Variants in KCNJ6 observed in about 807,000 individuals in gnomAD.
KCNJ6 encodes potassium inwardly rectifying channel subfamily J member 6.
A neutral mutation model predicts 34.2 loss-of-function variants in KCNJ6; 9 were observed. That is an observed-to-expected ratio of 0.26 (90% CI 0.16 to 0.46). The LOEUF (loss-of-function observed/expected upper bound fraction) is 0.46. Ranked by LOEUF, KCNJ6 falls within the 20% of genes least tolerant of loss-of-function variation. The probability of loss-of-function intolerance (pLI) is 1.00; values close to 1 mark genes in which losing one functional copy is unlikely to be tolerated. For missense variants in KCNJ6, 236 were observed against 531.3 expected, an observed-to-expected ratio of 0.44 and a Z score of 5.46; for synonymous variants, 196 against 207.1, an observed-to-expected ratio of 0.95 and a Z score of 0.46.
intron 2 of KCNJ6, among the ~76,000 whole-genome samples, chr21:37,815,022 T>C (rs746872174): frequency 6.6e-6 from 1 of 151,284 alleles, no homozygotes; most frequent in African/African-American, 2.4e-5. Flanking sequence ...CACAGAAAGA[T>C]AAACATCGCA....
intron 1 of KCNJ6, among the ~76,000 whole-genome samples, chr21:37,909,965 C>T (rs540903883): frequency 9.9e-5 from 15 of 152,236 alleles, no homozygotes; most frequent in East Asian, 7.7e-4. Context: ...GTGAATTGTC[C>T]GGTCAATGGA....
intron 3 of KCNJ6, among the ~76,000 whole-genome samples, chr21:37,709,614 C>T (rs2054740641): frequency 6.6e-6 from 1 of 152,190 alleles, no homozygotes; most frequent in South Asian, 2.1e-4. Flanking sequence ...GTGCAAAGGG[C>T]ACTGAACACA....
At chr21:37,795,759 C>CAAAAAA (rs1555845108) in intron 2 of KCNJ6, among the ~76,000 whole-genome samples, 1 of 148,748 alleles carries the variant, frequency 6.7e-6, no homozygotes. Context: ...AAAAAAAAAC[C>CAAAAAA]CTGCCACATA....
At chr21:37,832,387 C>T (rs1025021931) in intron 2 of KCNJ6, among the ~76,000 whole-genome samples, 11 of 151,912 alleles carry the variant, frequency 7.2e-5, no homozygotes, top group Admixed American at 3.3e-4. Context: ...CTCTGCCCCG[C>T]GTGAGGTGAC....
At chr21:37,841,238 T>A (rs920322578) in intron 1 of KCNJ6, among the ~76,000 whole-genome samples, 2 of 152,222 alleles carry the variant, frequency 1.3e-5, no homozygotes, top group African/African-American at 4.8e-5. Context: ...TAAAAACATT[T>A]TGTTTTAACC....
Position 37,739,392 on chromosome 21 carries a change from C to T in KCNJ6, c.26-24261G>A, listed in dbSNP as rs576169771. On this transcript the variant is annotated intron_variant, in intron 2 of 3. Coordinates refer to ENST00000609713, the MANE Select transcript of KCNJ6 (RefSeq NM_002240.5). ...ATAAAATTGATGCAAAAGGCAGTCC[C>T]TTGGTTGGCTTAAGTCAGAAGAAAA... Among the ~76,000 whole-genome samples the T allele has an allele frequency of 5.9e-5, 9 of 152,240 alleles. No homozygotes were observed. In the South Asian group the frequency reaches 1.9e-3, roughly 32 times the overall value.
At chr21:37,719,322 A>C (rs66862405) in intron 2 of KCNJ6, 1 of 151,962 alleles carries the variant, frequency 6.6e-6, no homozygotes, top group African/African-American at 2.4e-5. Context: ...ATTTTGTGAC[A>C]TTTCTTTCTT....
intron 2 of KCNJ6, among the ~76,000 whole-genome samples, chr21:37,797,279 G>T (rs889100531): frequency 6.6e-6 from 1 of 152,014 alleles, no homozygotes; most frequent in Admixed American, 6.6e-5. Flanking sequence ...TCCAACTCCT[G>T]ACCTCAAGTG....
chr21:37,626,768 C>A (rs1264114588), intron 3 of KCNJ6, among the ~76,000 whole-genome samples: 1 of 152,110 alleles, frequency 6.6e-6, no homozygotes, highest in Non-Finnish European at 1.5e-5. Context: ...GCCCATGATA[C>A]TTTTAGAGGC....
chr21:37,813,893 A>G (rs1307905910), intron 2 of KCNJ6, among the ~76,000 whole-genome samples: 1 of 152,222 alleles, frequency 6.6e-6, no homozygotes, highest in East Asian at 1.9e-4. Context: ...CAAAACAAAA[A>G]TGGACAAATG....
In KCNJ6 at chr21:37,624,343, A is replaced by G. The variant is rs1229200595; in HGVS notation, c.*816T>C. On this transcript the variant is annotated 3_prime_UTR_variant, in exon 4 of 4. Transcript: ENST00000609713. ...CGTGTGGGAACAGTGAGGTACCCTA[A>G]CGTCTGCCAGTCTGAGACACAAACA... The G allele has an allele frequency of 6.6e-6, 1 of 152,158 alleles. No homozygotes were observed. The highest frequency in any genetic ancestry group is 1.5e-5 in the Non-Finnish European group (1 of 68,036). The allele number at this position is 152,158 out of a possible 1,614,324, so 9.4% of individuals were successfully genotyped here. A position where few individuals can be genotyped will look rare whatever the true frequency, so the allele number is the denominator to read the frequency against.
chr21:37,834,209 C>T lies in KCNJ6; in HGVS notation c.25+6449G>A, dbSNP rs1053314264. 3.3e-5 allele frequency among the ~76,000 whole-genome samples: 5 copies of T among 152,308 alleles called. No homozygotes were observed. The South Asian group carries it at 8.3e-4, about 25-fold the overall frequency. On this transcript the variant is annotated intron_variant, in intron 2 of 3. Coordinates refer to ENST00000609713, the MANE Select transcript of KCNJ6 (RefSeq NM_002240.5). ...TGAAACCTTCAGCACTGCCCCATTA[C>T]CCACAGGAAAAATTCAAGCCACATA... is the stretch of plus-strand genomic sequence containing the variant.
rs549400378 is a variant in KCNJ6 at position 37,619,343 on chromosome 21, C to T, written c.*5816G>A. The T allele has an allele frequency of 6.6e-6, 1 of 152,256 alleles. No individual in the cohort carries two copies. The highest frequency in any genetic ancestry group is 1.5e-5 in the Non-Finnish European group (1 of 68,020). The allele number at this position is 152,256 out of a possible 1,614,324, so 9.4% of individuals were successfully genotyped here. A position where few individuals can be genotyped will look rare whatever the true frequency, so the allele number is the denominator to read the frequency against. On this transcript the variant is annotated 3_prime_UTR_variant, in exon 4 of 4. Transcript: ENST00000609713. ...AAAACCCCAAGGTCTGGACTTTTTC[C>T]ATCCATTATGTCTGTAATTACCAAT...
Position 37,661,621 on chromosome 21 carries a change from T to C in KCNJ6, c.947-36137A>G, listed in dbSNP as rs1279747836. On this transcript the variant is annotated intron_variant, in intron 3 of 3. Coordinates refer to ENST00000609713, the MANE Select transcript of KCNJ6 (RefSeq NM_002240.5). Reference sequence around the variant, plus strand: ...ATTTCCTTAAGAGACATAGTTTTTTTTTTTTTTTTTTTTTTTTTTGAGACT... The same window carrying C: ...ATTTCCTTAAGAGACATAGTTTTTTCTTTTTTTTTTTTTTTTTTTGAGACT... Among the ~76,000 whole-genome samples the C allele has an allele frequency of 2.4e-5, 3 of 122,882 alleles. 1 individual carries two copies. Among genetic ancestry groups the C allele is most frequent in the African/African-American group, 9.6e-5 (3 of 31,318 alleles). 80.6% of individuals were successfully genotyped at this position (122,882 alleles called of 152,430 possible).
At chr21:37,901,943 GTTTTT>G (rs571373621) in intron 1 of KCNJ6, among the ~76,000 whole-genome samples, 1 of 151,894 alleles carries the variant, frequency 6.6e-6, no homozygotes, top group Non-Finnish European at 1.5e-5. Flanking sequence ...TAACTAATTT[GTTTTT>G]TTTAATTATC....
chr21:37,880,024 T>C (rs2055699467), intron 1 of KCNJ6, among the ~76,000 whole-genome samples: 1 of 151,020 alleles, frequency 6.6e-6, no homozygotes, highest in African/African-American at 2.4e-5. Context: ...TTTGGGAAGC[T>C]GAGGCAGGTG....
At chr21:37,640,380 G>A (rs1385521246) in intron 3 of KCNJ6, among the ~76,000 whole-genome samples, 4 of 152,192 alleles carry the variant, frequency 2.6e-5, no homozygotes, top group Non-Finnish European at 5.9e-5. Context: ...GGAAAACAAT[G>A]ACCAGATTAT....
intron 2 of KCNJ6, among the ~76,000 whole-genome samples, chr21:37,744,779 GTAAGGATT>G (rs1311398832): frequency 3.9e-5 from 6 of 152,168 alleles, no homozygotes; most frequent in Non-Finnish European, 5.9e-5. Flanking sequence ...TGGGGGGTGT[GTAAGGATT>G]TCACTGAGTT....
intron 2 of KCNJ6, among the ~76,000 whole-genome samples, chr21:37,777,272 A>C (rs370801267): frequency 6.8e-4 from 103 of 152,044 alleles, no homozygotes; most frequent in African/African-American, 2.4e-3. Context: ...GCGGTCTATC[A>C]ATTTTGTTAG....
Sources: allele counts gnomAD v4.1 joint callset (sites outside exome capture counted in the v4.1 genomes callset), GRCh38; gene constraint gnomAD v4.1.1; transcripts MANE v1.5; gene names NCBI Gene and HGNC (gene_info 2026-07-23, HGNC 2026-07-21).